Variants in CPNE4 observed in about 807,000 individuals in gnomAD.
The protein encoded by CPNE4 is copine 4, also known as copine-4.
Under a neutral mutation model 67.9 loss-of-function variants are expected in CPNE4, and 25 were observed. The ratio of observed to expected loss-of-function variants is 0.37; its 90% CI spans 0.27 to 0.51. The LOEUF (loss-of-function observed/expected upper bound fraction) is 0.51. Ranked by LOEUF, CPNE4 falls within the 20% of genes least tolerant of loss-of-function variation. The pLI is 0.93. For synonymous variants in CPNE4, 242 were observed against 244.9 expected (o/e 0.99, Z 0.11); for missense variants, 464 against 690.8 (o/e 0.67, Z 3.68).
intron 2 of CPNE4, among the ~76,000 whole-genome samples, chr3:131,854,969 A>C (rs1036421246): frequency 6.6e-6 from 1 of 151,990 alleles, no homozygotes; most frequent in Non-Finnish European, 1.5e-5. Context: ...TTGCCTATCA[A>C]ACCTTTCTCC....
At chr3:131,691,302 C>G (rs2081028037) in intron 5 of CPNE4, among the ~76,000 whole-genome samples, 1 of 152,278 alleles carries the variant, frequency 6.6e-6, no homozygotes, top group East Asian at 1.9e-4. Flanking sequence ...TATAATCAGT[C>G]TAGGTGCCAA....
intron 6 of CPNE4, among the ~76,000 whole-genome samples, chr3:131,685,391 T>C (rs568861855): frequency 6.9e-6 from 1 of 144,350 alleles, no homozygotes; most frequent in Non-Finnish European, 1.5e-5. Flanking sequence ...GACAACTAAA[T>C]TGAGGATTAA....
chr3:131,916,369 G>A lies in CPNE4; in HGVS notation c.-1-10925C>T, dbSNP rs201382813. ...TTAGAAAAAAAAAAAAAAAAAAACA[G>A]AGCAGGATTATTCTTATGTTCAAAG... On this transcript the variant is annotated intron_variant, in intron 1 of 15. Coordinates refer to ENST00000429747, the MANE Select transcript of CPNE4 (RefSeq NM_130808.3). Among the ~76,000 whole-genome samples, 405 of 144,996 alleles carry A rather than the reference G, an allele frequency of 2.8e-3. 2 individuals carry two copies. Among genetic ancestry groups the A allele is most frequent in the African/African-American group, 9.8e-3 (388 of 39,434 alleles).
intron 4 of CPNE4, 51 bp from the exon 5 acceptor site, chr3:131,696,667 C>G (rs767554479): frequency 6.5e-7 from 1 of 1,535,818 alleles, no homozygotes; most frequent in Non-Finnish European, 9.0e-7. Flanking sequence ...CTCCTTAGCT[C>G]CAGAACCCAT....
chr3:131,645,493 C>T (rs1222250920), intron 7 of CPNE4, among the ~76,000 whole-genome samples: 1 of 152,106 alleles, frequency 6.6e-6, no homozygotes, highest in East Asian at 1.9e-4. Flanking sequence ...TCCTTTAATT[C>T]TTACAACTCT....
intron 12 of CPNE4, among the ~76,000 whole-genome samples, chr3:131,555,088 A>C (rs1936388803): frequency 6.6e-6 from 1 of 152,030 alleles, no homozygotes; most frequent in African/African-American, 2.4e-5. Context: ...TTGGACTCGG[A>C]GACTTGGGAT....
intron 7 of CPNE4, among the ~76,000 whole-genome samples, chr3:131,595,221 T>C (rs1938773803): frequency 6.6e-6 from 1 of 152,142 alleles, no homozygotes; most frequent in South Asian, 2.1e-4. Context: ...GGGGTGGAAA[T>C]ACAAAAGAAG....
chr3:132,018,504 G>T (rs2073931793), intron 1 of CPNE4, among the ~76,000 whole-genome samples: 2 of 152,160 alleles, frequency 1.3e-5, no homozygotes, highest in South Asian at 4.1e-4. Flanking sequence ...AACCTATTTT[G>T]CTAAAATGAC....
intron 2 of CPNE4, among the ~76,000 whole-genome samples, chr3:131,741,785 G>C (rs1444706686): frequency 6.6e-6 from 1 of 152,118 alleles, no homozygotes; most frequent in African/African-American, 2.4e-5. Context: ...CTACTGCAGA[G>C]GCTGAAAATG....
At position 131,990,692 on chromosome 3, in the gene CPNE4, G is replaced by A. The variant is rs979158679; in HGVS notation, c.-2+43875C>T. 1.5e-5 allele frequency among the ~76,000 whole-genome samples: 2 copies of A among 135,916 alleles called. 1 individual carries two copies. The highest frequency in any genetic ancestry group is 3.3e-5 in the Non-Finnish European group (2 of 59,834). The allele number at this position is 135,916 out of a possible 152,430, so 89.2% of individuals were successfully genotyped here. A position where few individuals can be genotyped will look rare whatever the true frequency, so the allele number is the denominator to read the frequency against. ...ACTTCAAAAATTTATTGGAATAATC[G>A]TTGGTGTCCCTTTCTTTTTCTGTCC... is the stretch of plus-strand genomic sequence containing the variant. On this transcript the variant is annotated intron_variant, in intron 1 of 15. Coordinates refer to ENST00000429747, the MANE Select transcript of CPNE4 (RefSeq NM_130808.3).
chr3:131,842,793 T>C (rs2085844118), intron 2 of CPNE4, among the ~76,000 whole-genome samples: 1 of 138,292 alleles, frequency 7.2e-6, no homozygotes, highest in African/African-American at 2.7e-5. Flanking sequence ...GAATTGTAAA[T>C]AAAAAAAATT....
intron 7 of CPNE4, among the ~76,000 whole-genome samples, chr3:131,651,505 A>C (rs187979601): frequency 6.6e-6 from 1 of 152,332 alleles, no homozygotes; most frequent in Non-Finnish European, 1.5e-5. Context: ...CCTACATATC[A>C]GAATGGTAGT....
In CPNE4 at chr3:131,879,257, G is replaced by A. The variant is rs892182250; in HGVS notation, c.180+26007C>T. Reference sequence around the variant, plus strand: ...GAATGAAATGAGCATGGAACTCTATGGGAGATATATGAATAAGGATATACA... The same window carrying A: ...GAATGAAATGAGCATGGAACTCTATAGGAGATATATGAATAAGGATATACA... On this transcript the variant is annotated intron_variant, in intron 2 of 15. Transcript: ENST00000429747. Among the ~76,000 whole-genome samples the A allele has an allele frequency of 3.3e-5, 5 of 152,128 alleles. 1 individual carries two copies. Among genetic ancestry groups the A allele is most frequent in the Non-Finnish European group, 7.3e-5 (5 of 68,034 alleles).
chr3:131,715,381 A>C (rs1455749610), intron 3 of CPNE4, among the ~76,000 whole-genome samples: 1 of 152,164 alleles, frequency 6.6e-6, no homozygotes, highest in Non-Finnish European at 1.5e-5. Flanking sequence ...AGCCAGGTCA[A>C]CTCCAATTTG....
rs552916325 is a variant in CPNE4, at chr3:131,775,542, G to A, written c.181-51917C>T. 2.0e-5 allele frequency among the ~76,000 whole-genome samples: 3 copies of A among 152,152 alleles called. No homozygotes were observed. In the South Asian group the frequency reaches 6.2e-4, roughly 32 times the overall value. ...GGGAGGTAATTGAATCATGGGGGCT[G>A]GTCTTTCCCATGCTTTTCTTGTGAT... On this transcript the variant is annotated intron_variant, in intron 2 of 15. Coordinates refer to ENST00000429747, the MANE Select transcript of CPNE4 (RefSeq NM_130808.3).
At chr3:131,711,596 A>T (rs1285553248) in intron 3 of CPNE4, among the ~76,000 whole-genome samples, 1 of 152,184 alleles carries the variant, frequency 6.6e-6, no homozygotes, top group African/African-American at 2.4e-5. Flanking sequence ...ACCTGTGCTC[A>T]CATGGGAAGG....
At chr3:131,761,525 C>T (rs1513375) in intron 2 of CPNE4, among the ~76,000 whole-genome samples, 102,627 of 151,854 alleles carry the variant, frequency 0.68, 35,882 homozygotes, top group Middle Eastern at 0.79. Flanking sequence ...AAGGAAGTTG[C>T]AGAGGTAGAA....
intron 2 of CPNE4, among the ~76,000 whole-genome samples, chr3:131,785,974 T>C (rs754383973): frequency 2.0e-5 from 3 of 152,164 alleles, no homozygotes; most frequent in Non-Finnish European, 2.9e-5. Flanking sequence ...GATGCTTTCT[T>C]TGCCAGGTTC....
chr3:131,597,305 T>G (rs1938937263), intron 7 of CPNE4, among the ~76,000 whole-genome samples: 1 of 151,264 alleles, frequency 6.6e-6, no homozygotes, highest in Non-Finnish European at 1.5e-5. Flanking sequence ...TCAGGGCCTG[T>G]TGTGGGGTGG....
Sources: gnomAD v4.1 joint callset for allele counts (sites outside exome capture counted in the v4.1 genomes callset) on GRCh38, gnomAD v4.1.1 for gene constraint, MANE v1.5 for transcripts, NCBI Gene and HGNC (gene_info 2026-07-23, HGNC 2026-07-21) for gene names.